The following PLCB1 variants were observed in gnomAD, a reference collection of about 807,000 sequenced individuals.
PLCB1 encodes the protein 1-phosphatidylinositol 4,5-bisphosphate phosphodiesterase beta-1.
PLCB1 carries 46 observed loss-of-function variants against 161.8 expected under a neutral mutation model. The observed-to-expected ratio is 0.28, with a 90% CI of 0.22 to 0.36. The LOEUF (loss-of-function observed/expected upper bound fraction) is 0.36. Ranked by LOEUF, PLCB1 falls within the 10% of genes least tolerant of loss-of-function variation. The pLI is 1.00. For synonymous variants in PLCB1, 517 were observed against 503.7 expected, an observed-to-expected ratio of 1.03 and a Z score of -0.35; for missense variants, 1,016 against 1,472.5, an observed-to-expected ratio of 0.69 and a Z score of 5.07.
chr20:8,800,259 T>C (rs562421745), intron 31 of PLCB1, among the ~76,000 whole-genome samples: 2 of 152,316 alleles, frequency 1.3e-5, no homozygotes, highest in East Asian at 1.9e-4. Context: ...TTATATTATA[T>C]CTAAGGCCAT....
chr20:8,550,514 C>A (rs1226591071), intron 3 of PLCB1, among the ~76,000 whole-genome samples: 5 of 152,092 alleles, frequency 3.3e-5, no homozygotes, highest in African/African-American at 4.8e-5. Context: ...GTGCCTTCCA[C>A]CATGATTGTA....
At chr20:8,750,496 T>A (rs1981400539) in intron 23 of PLCB1, among the ~76,000 whole-genome samples, 3 of 152,228 alleles carry the variant, frequency 2.0e-5, no homozygotes. Flanking sequence ...ATTTTGATGC[T>A]TTCACTTGAT....
At chr20:8,601,605 G>A (rs1382719450) in intron 3 of PLCB1, among the ~76,000 whole-genome samples, 1 of 152,204 alleles carries the variant, frequency 6.6e-6, no homozygotes, top group African/African-American at 2.4e-5. Context: ...GTGCTAATTT[G>A]TACTGATCAC....
intron 3 of PLCB1, among the ~76,000 whole-genome samples, chr20:8,379,082 T>G (rs777372456): frequency 1.3e-5 from 2 of 152,016 alleles, no homozygotes; most frequent in Non-Finnish European, 2.9e-5. Flanking sequence ...TGACTCGTCC[T>G]GTAAGTTCCC....
chr20:8,843,968 C>G (rs1986600308), intron 31 of PLCB1, among the ~76,000 whole-genome samples: 1 of 152,186 alleles, frequency 6.6e-6, no homozygotes, highest in African/African-American at 2.4e-5. Context: ...TCCCATCTAC[C>G]AGTTGTAAAG....
intron 26 of PLCB1, among the ~76,000 whole-genome samples, chr20:8,767,907 G>A (rs919665489): frequency 1.3e-5 from 2 of 152,100 alleles, no homozygotes; most frequent in African/African-American, 4.8e-5. Flanking sequence ...GTGTTGGCTG[G>A]GCGCAATGGC....
intron 9 of PLCB1, among the ~76,000 whole-genome samples, chr20:8,670,306 G>T (rs78268022): frequency 6.6e-6 from 1 of 152,176 alleles, no homozygotes; most frequent in East Asian, 1.9e-4. Flanking sequence ...TAAACTCACA[G>T]ATGTGAGAAT....
intron 2 of PLCB1, among the ~76,000 whole-genome samples, chr20:8,227,368 A>G (rs1979754199): frequency 1.3e-5 from 2 of 152,198 alleles, no homozygotes; most frequent in South Asian, 2.1e-4. Context: ...GCCACTTGGT[A>G]TGTAAAATTT....
chr20:8,300,766 A>G (rs994673530), intron 2 of PLCB1, among the ~76,000 whole-genome samples: 4 of 152,180 alleles, frequency 2.6e-5, no homozygotes, highest in Non-Finnish European at 1.5e-5. Flanking sequence ...AGCCTAGCAC[A>G]ATGCCTGGTA....
At chr20:8,141,282 C>T (rs2051400262) in intron 1 of PLCB1, among the ~76,000 whole-genome samples, 1 of 152,070 alleles carries the variant, frequency 6.6e-6, no homozygotes, top group Admixed American at 6.6e-5. Flanking sequence ...TTTTTGTCTA[C>T]ACTGTGCAAG....
intron 2 of PLCB1, among the ~76,000 whole-genome samples, chr20:8,320,552 G>A (rs1468575360): frequency 6.6e-6 from 1 of 152,178 alleles, no homozygotes; most frequent in Non-Finnish European, 1.5e-5. Flanking sequence ...TGTGGCTTCA[G>A]TTAGGGTTTC....
At chr20:8,735,221 T>G (rs923452699) in intron 19 of PLCB1, among the ~76,000 whole-genome samples, 3 of 152,262 alleles carry the variant, frequency 2.0e-5, no homozygotes, top group African/African-American at 7.2e-5. Flanking sequence ...GCTTGCAGAT[T>G]CGTCTTGTTT....
chr20:8,338,902 A>G (rs1346757765), intron 2 of PLCB1, among the ~76,000 whole-genome samples: 1 of 152,140 alleles, frequency 6.6e-6, no homozygotes, highest in Non-Finnish European at 1.5e-5. Context: ...GTGGAATCAC[A>G]TGGTGTGTTT....
chr20:8,158,272 ATGT>A (rs2051583856), intron 2 of PLCB1, among the ~76,000 whole-genome samples: 1 of 152,180 alleles, frequency 6.6e-6, no homozygotes. Context: ...TGAATTACAA[ATGT>A]TGTAGGTAGA....
chr20:8,206,882 T>C (rs1568590183), intron 2 of PLCB1, among the ~76,000 whole-genome samples: 1 of 152,088 alleles, frequency 6.6e-6, no homozygotes. Context: ...TAAATCATGA[T>C]ATTTCAGCAA....
chr20:8,417,008 T>A (rs1451472190), intron 3 of PLCB1, among the ~76,000 whole-genome samples: 1 of 143,788 alleles, frequency 7.0e-6, no homozygotes, highest in Non-Finnish European at 1.5e-5. Flanking sequence ...TATGTAGTTT[T>A]AAATACATAT....
At chr20:8,144,791 C>T (rs1349391119) in intron 1 of PLCB1, among the ~76,000 whole-genome samples, 1 of 152,182 alleles carries the variant, frequency 6.6e-6, no homozygotes, top group African/African-American at 2.4e-5. Flanking sequence ...CTTCCTGATG[C>T]AAGTCTTGGG....
intron 31 of PLCB1, among the ~76,000 whole-genome samples, chr20:8,817,209 T>C (rs2146259474): frequency 6.6e-6 from 1 of 152,238 alleles, no homozygotes; most frequent in Admixed American, 6.5e-5. Flanking sequence ...TTAAAATATG[T>C]TTAAATGCAT....
chr20:8,759,537 G>T (rs1242919849), intron 24 of PLCB1, among the ~76,000 whole-genome samples: 1 of 152,128 alleles, frequency 6.6e-6, no homozygotes, highest in African/African-American at 2.4e-5. Flanking sequence ...TTTGGCTCTT[G>T]TTGCCCAGGC....
Sources: allele counts gnomAD v4.1 joint callset (sites outside exome capture counted in the v4.1 genomes callset), GRCh38; gene constraint gnomAD v4.1.1; transcripts MANE v1.5; gene names NCBI Gene and HGNC (gene_info 2026-07-23, HGNC 2026-07-21).